The following PSME3IP1 variants were observed in gnomAD, a reference collection of about 807,000 sequenced individuals.
PSME3IP1 encodes PSME3-interacting protein.
A neutral mutation model predicts 34.1 loss-of-function variants in PSME3IP1; 13 were observed. The ratio of observed to expected loss-of-function variants is 0.38; its 90% CI spans 0.25 to 0.61. The LOEUF (loss-of-function observed/expected upper bound fraction) is 0.61, where lower values mean the gene tolerates loss of function less well. Among genes scored for constraint, PSME3IP1 ranks in the 20% least tolerant of loss-of-function variants. The probability of loss-of-function intolerance (pLI) is 0.60; values close to 1 mark genes in which losing one functional copy is unlikely to be tolerated. For synonymous variants in PSME3IP1, 93 were observed against 114.3 expected (o/e 0.81, Z 1.19); for missense variants, 237 against 301.4 (o/e 0.79, Z 1.58).
At chr16:57,174,092 A>G in intron 1 of PSME3IP1, 10 of 419,994 alleles carry the variant, frequency 2.4e-5, no homozygotes, top group Non-Finnish European at 3.5e-5. Flanking sequence ...TCAGGAGTTC[A>G]AGACCATCCT....
intron 6 of PSME3IP1, among the ~76,000 whole-genome samples, chr16:57,155,660 G>A (rs1197182754): frequency 6.6e-6 from 1 of 152,072 alleles, no homozygotes; most frequent in Non-Finnish European, 1.5e-5. Flanking sequence ...AAAATTAGCT[G>A]GGTGTGGTGA....
Position 57,164,047 on chromosome 16 carries a change from A to T in PSME3IP1, c.501T>A (p.Ser167Arg), listed in dbSNP as rs2071573566. 6.2e-7 allele frequency: 1 copy of T among 1,614,076 alleles called. No homozygotes were observed. The highest frequency in any genetic ancestry group is 8.5e-7 in the Non-Finnish European group (1 of 1,180,016). ...VKHKSSESGN[S>R]VKRLKPDPEP... ...CAGGGTCCGGTTTCAGTCTTTTCAC[A>T]CTGTTGCCACTCTCTGAGCTGTAAC... The change falls in exon 6 of 7, where the codon AGT becomes AGA. Residue 167 changes from serine to arginine, a missense_variant. Transcript: ENST00000309137.
Position 57,153,939 on chromosome 16 carries a change from G to GA in PSME3IP1, c.*350dup, listed in dbSNP as rs1237943246. ...TTACTTCTTTGTGCTGTCGGGAAAA[G>GA]AAAAAACAGAAAGCAATAAAACCCA... is the stretch of plus-strand genomic sequence containing the variant. On this transcript the variant is annotated 3_prime_UTR_variant, in exon 7 of 7. Transcript: ENST00000309137. The GA allele has an allele frequency of 2.0e-5, 5 of 256,116 alleles. No individual in the cohort carries two copies. Among genetic ancestry groups the GA allele is most frequent in the Non-Finnish European group, 1.5e-5 (2 of 131,872 alleles). 15.9% of individuals were successfully genotyped at this position (256,116 alleles called of 1,614,324 possible).
intron 6 of PSME3IP1, among the ~76,000 whole-genome samples, chr16:57,155,885 G>C (rs377612390): frequency 6.6e-6 from 1 of 151,874 alleles, no homozygotes; most frequent in African/African-American, 2.4e-5. Context: ...TGTGAGGATT[G>C]CTTGAGCCCA....
chr16:57,169,380 G>C (rs1334009234), intron 4 of PSME3IP1, among the ~76,000 whole-genome samples: 1 of 152,154 alleles, frequency 6.6e-6, no homozygotes, highest in African/African-American at 2.4e-5. Flanking sequence ...GCAAAGCCTA[G>C]AAACAGTTCC....
chr16:57,177,812 A>AC lies in PSME3IP1; in HGVS notation c.-15-3944dup, dbSNP rs575484004. Among the ~76,000 whole-genome samples, 416 of 152,138 alleles carry AC rather than the reference A, an allele frequency of 2.7e-3. 2 individuals carry two copies. The highest frequency in any genetic ancestry group is 8.9e-3 in the African/African-American group (368 of 41,528). On this transcript the variant is annotated intron_variant, in intron 1 of 6. Coordinates refer to ENST00000309137, the MANE Select transcript of PSME3IP1 (RefSeq NM_024946.4). ...GGACCAGCCTGGGCAACAAAGTGAG[A>AC]CCCCCCATCTCTACAAAAAATTTAA...
At chr16:57,164,423 A>G (rs1251341770) in intron 5 of PSME3IP1, among the ~76,000 whole-genome samples, 1 of 152,244 alleles carries the variant, frequency 6.6e-6, no homozygotes. Flanking sequence ...CAGATTGAAG[A>G]AAACATCTTT....
At chr16:57,174,317 A>T in intron 1 of PSME3IP1, 12 of 419,360 alleles carry the variant, frequency 2.9e-5, no homozygotes, top group Non-Finnish European at 3.8e-5. Context: ...ACTCTCAAAT[A>T]GTTTAATTTA....
chr16:57,168,477 T>C (rs572510642), intron 4 of PSME3IP1, among the ~76,000 whole-genome samples: 8 of 145,610 alleles, frequency 5.5e-5, no homozygotes, highest in African/African-American at 1.8e-4. Flanking sequence ...ATCATGGAAA[T>C]AGATAATGTT....
At chr16:57,157,313 C>CAAAAAAAAA (rs751911757) in intron 6 of PSME3IP1, among the ~76,000 whole-genome samples, 2 of 76,850 alleles carry the variant, frequency 2.6e-5, no homozygotes, top group Non-Finnish European at 5.4e-5. Flanking sequence ...AACCTATCTC[C>CAAAAAAAAA]AAAAAAAAAA....
chr16:57,166,844 A>T (rs2071935143), intron 5 of PSME3IP1, among the ~76,000 whole-genome samples: 1 of 152,224 alleles, frequency 6.6e-6, no homozygotes, highest in Admixed American at 6.5e-5. Context: ...AGCACTTAAC[A>T]CAATGCCTGG....
chr16:57,173,917 G>A lies in PSME3IP1; in HGVS notation c.-15-48C>T. ...AAAAAAATCATTTCAAGTGAGAACT[G>A]CAATTAAAATTCTAAAGAGAAACAA... is the stretch of plus-strand genomic sequence containing the variant. On this transcript the variant is annotated intron_variant, in intron 1 of 6. Coordinates refer to ENST00000309137, the MANE Select transcript of PSME3IP1 (RefSeq NM_024946.4). 2.6e-6 allele frequency: 4 copies of A among 1,554,346 alleles called. No individual in the cohort carries two copies. In the South Asian group the frequency reaches 4.6e-5, roughly 18 times the overall value.
intron 6 of PSME3IP1, among the ~76,000 whole-genome samples, chr16:57,163,645 G>A (rs2071530634): frequency 6.6e-6 from 1 of 152,194 alleles, no homozygotes; most frequent in South Asian, 2.1e-4. Context: ...CCTCCCACTG[G>A]TAGCAAACCA....
chr16:57,166,724 C>A (rs146916257), intron 5 of PSME3IP1, among the ~76,000 whole-genome samples: 1 of 152,304 alleles, frequency 6.6e-6, no homozygotes, highest in Non-Finnish European at 1.5e-5. Context: ...TATGATCTTG[C>A]ACAAAGAAGG....
At chr16:57,158,300 C>G (rs1269215517) in intron 6 of PSME3IP1, among the ~76,000 whole-genome samples, 1 of 152,074 alleles carries the variant, frequency 6.6e-6, no homozygotes, top group Non-Finnish European at 1.5e-5. Context: ...TTAAAAAAAA[C>G]AAACCAGCCA....
chr16:57,183,667 GATAGTAAAGA>G (rs1414275530), intron 1 of PSME3IP1, among the ~76,000 whole-genome samples: 4 of 152,154 alleles, frequency 2.6e-5, no homozygotes, highest in African/African-American at 9.7e-5. Context: ...AAGCTAACAA[GATAGTAAAGA>G]ATTTGGACAC....
rs140483648 is a variant in PSME3IP1, at chr16:57,165,673, C to T, written c.482+1420G>A. The stretch of plus-strand genomic sequence containing the variant: ...AAGGCCTGCGAATATAAATTATTAA[C>T]AAACTCCCAGGTGATTCCAATAAAC... On this transcript the variant is annotated intron_variant, in intron 5 of 6. Transcript: ENST00000309137. 1.1e-3 allele frequency among the ~76,000 whole-genome samples: 170 copies of T among 152,258 alleles called. 1 individual carries two copies. Among genetic ancestry groups the T allele is most frequent in the Middle Eastern group, 3.4e-3 (1 of 294 alleles).
intron 1 of PSME3IP1, 161 bp downstream of exon 1, chr16:57,185,660 G>A (rs2074113285): frequency 1.0e-6 from 1 of 985,434 alleles, no homozygotes; most frequent in Admixed American, 6.1e-5. Context: ...CCCTCAGGCT[G>A]GGCCCGCAAG....
rs766102647 is a variant in PSME3IP1 at position 57,167,076 on chromosome 16, T to A, written c.482+17A>T. Reference sequence around the variant, plus strand: ...CACGGTCAGAGAGAAATCTGAGTTGTGTGAGTGCTGACTAACCTCTTATGC... The same window carrying A: ...CACGGTCAGAGAGAAATCTGAGTTGAGTGAGTGCTGACTAACCTCTTATGC... On this transcript the variant is annotated intron_variant, in intron 5 of 6. Transcript: ENST00000309137. 15 of 1,612,276 alleles carry A rather than the reference T, an allele frequency of 9.3e-6. No homozygotes were observed. Among genetic ancestry groups the A allele is most frequent in the Non-Finnish European group, 1.2e-5 (14 of 1,179,924 alleles).
Sources: gnomAD v4.1 joint callset for allele counts (sites outside exome capture counted in the v4.1 genomes callset) on GRCh38, gnomAD v4.1.1 for gene constraint, MANE v1.5 for transcripts, NCBI Gene and HGNC (gene_info 2026-07-23, HGNC 2026-07-21) for gene names.